CRTC3: variants seen among roughly 807,000 people sequenced by gnomAD.
The protein encoded by CRTC3 is CREB-regulated transcription coactivator 3.
In CRTC3, 26 loss-of-function variants were observed where a neutral mutation model predicts 74.5. That is an observed-to-expected ratio of 0.35 (90% CI 0.26 to 0.48). The LOEUF is 0.48. CRTC3 is among the 20% of genes least tolerant of loss of function. The pLI is 0.99. For synonymous variants in CRTC3, 377 were observed against 325.8 expected (o/e 1.16, Z -1.69); for missense variants, 760 against 787.3 (o/e 0.97, Z 0.41).
chr15:90,604,498 C>A, intron 5 of CRTC3, 51 bp downstream of exon 5: 1 of 1,376,736 alleles, frequency 7.3e-7, no homozygotes, highest in Non-Finnish European at 1.0e-6. Flanking sequence ...ATTTAACTGT[C>A]CTGATATTTT....
At chr15:90,641,303 G>C in intron 14 of CRTC3, 104 bp downstream of exon 14, 1 of 812,584 alleles carries the variant, frequency 1.2e-6, no homozygotes, top group Non-Finnish European at 2.0e-6. Flanking sequence ...AAAGCAAAAA[G>C]TTAACGTTCC....
chr15:90,612,296 T>C (rs1278872107), intron 6 of CRTC3, among the ~76,000 whole-genome samples: 1 of 151,862 alleles, frequency 6.6e-6, no homozygotes, highest in African/African-American at 2.4e-5. Context: ...GGGGATCCCA[T>C]GAGATCACCT....
chr15:90,641,841 T>A lies in CRTC3; in HGVS notation c.1652-91T>A, dbSNP rs541251928. On this transcript the variant is annotated intron_variant, in intron 14 of 14. Transcript: ENST00000268184. The stretch of plus-strand genomic sequence containing the variant: ...GGTCAGGATGTGTGGGATAGCAGTT[T>A]AGGGGACTGTCATCAGCTGGGTTTG... 1.5e-3 allele frequency: 1,547 copies of A among 1,042,716 alleles called. 15 individuals are homozygous for A. Among genetic ancestry groups the A allele is most frequent in the South Asian group, 8.7e-3 (632 of 72,968 alleles). The allele number at this position is 1,042,716 out of a possible 1,614,324, so 64.6% of individuals were successfully genotyped here.
chr15:90,642,504 A>C lies in CRTC3; in HGVS notation c.*364A>C. ...CTCCGTAGCATTGTGTAGTGTGCTC[A>C]GAACCACTGATCTCCGTCCGCACCG... On this transcript the variant is annotated 3_prime_UTR_variant, in exon 15 of 15. Transcript: ENST00000268184. The C allele has an allele frequency of 2.7e-6, 1 of 366,094 alleles. No homozygotes were observed. 22.7% of individuals were successfully genotyped at this position (366,094 alleles called of 1,614,324 possible). A position where few individuals can be genotyped will look rare whatever the true frequency, so the allele number is the denominator to read the frequency against.
At chr15:90,533,418 C>T (rs1372593168) in intron 1 of CRTC3, among the ~76,000 whole-genome samples, 1 of 43,248 alleles carries the variant, frequency 2.3e-5, no homozygotes, top group African/African-American at 8.6e-5. Context: ...GAGACTCCGC[C>T]TAGGAAAAAA....
chr15:90,642,102 C>A lies in CRTC3; in HGVS notation c.1822C>A (p.Pro608Thr). Residue 608 changes from proline (P) to threonine (T), a missense_variant, in exon 15 of 15, where the codon CCC becomes ACC. By Grantham distance (38) the Pro-to-Thr change is conservative (BLOSUM62 -1). Transcript: ENST00000268184. ...LSDSSMGLLD[P>T]SVEETFRADR... ...TGACTCCAGCATGGGCCTGCTGGACCCCTCTGTTGAAGAGACGTTTCGAGC... is the reference window on the plus strand; with the variant it reads ...TGACTCCAGCATGGGCCTGCTGGACACCTCTGTTGAAGAGACGTTTCGAGC... 1 of 1,614,038 alleles carries A rather than the reference C, an allele frequency of 6.2e-7. No homozygotes were observed.
intron 2 of CRTC3, among the ~76,000 whole-genome samples, chr15:90,541,964 T>A (rs943334454): frequency 6.6e-6 from 1 of 151,768 alleles, no homozygotes; most frequent in African/African-American, 2.4e-5. Flanking sequence ...TTTATATTTT[T>A]AGTAGAGATG....
chr15:90,635,370 CGTG>C (rs1398616058), intron 11 of CRTC3, among the ~76,000 whole-genome samples: 1 of 152,080 alleles, frequency 6.6e-6, no homozygotes, highest in Non-Finnish European at 1.5e-5. Context: ...TCTGGCCAGG[CGTG>C]GTGGCTCACA....
At chr15:90,537,099 A>G (rs1034288232) in intron 1 of CRTC3, among the ~76,000 whole-genome samples, 2 of 152,244 alleles carry the variant, frequency 1.3e-5, no homozygotes, top group Admixed American at 6.5e-5. Flanking sequence ...TCACATGTTC[A>G]TCATCTGTAA....
chr15:90,616,310 G>A (rs377515695), intron 7 of CRTC3, among the ~76,000 whole-genome samples: 1 of 152,022 alleles, frequency 6.6e-6, no homozygotes, highest in Admixed American at 6.6e-5. Flanking sequence ...TCCCCTTACC[G>A]TGCTGTCAAA....
intron 2 of CRTC3, among the ~76,000 whole-genome samples, chr15:90,564,094 C>G (rs1193280045): frequency 6.6e-6 from 1 of 152,112 alleles, no homozygotes; most frequent in Non-Finnish European, 1.5e-5. Context: ...ACTGTGGAGG[C>G]CAAGAAGGAT....
chr15:90,539,531 CAGA>C (rs1269531008), intron 1 of CRTC3: 1 of 152,988 alleles, frequency 6.5e-6, no homozygotes, highest in African/African-American at 2.4e-5. Context: ...GGAAATAATT[CAGA>C]AGAACTGTTA....
Position 90,641,354 on chromosome 15 carries a change from C to T in CRTC3, c.1651+155C>T. The T allele has an allele frequency of 6.5e-6, 4 of 616,472 alleles. No homozygotes were observed. The Admixed American group carries it at 7.8e-5, about 12-fold the overall frequency. 38.2% of individuals were successfully genotyped at this position (616,472 alleles called of 1,614,324 possible). A position where few individuals can be genotyped will look rare whatever the true frequency, so the allele number is the denominator to read the frequency against. On this transcript the variant is annotated intron_variant, in intron 14 of 14. Coordinates refer to ENST00000268184, the MANE Select transcript of CRTC3 (RefSeq NM_022769.5). ...TTTTTGAGATGCAGGTGTCCAGCCT[C>T]AGAGACCGTGACACAGGGCGGTGGG... is the stretch of plus-strand genomic sequence containing the variant.
chr15:90,633,357 G>C (rs1180017790), intron 11 of CRTC3, among the ~76,000 whole-genome samples: 2 of 152,116 alleles, frequency 1.3e-5, no homozygotes, highest in Non-Finnish European at 2.9e-5. Context: ...CTGTGACTTT[G>C]TATGACTTAA....
chr15:90,536,679 A>G (rs1966725594), intron 1 of CRTC3, among the ~76,000 whole-genome samples: 1 of 152,210 alleles, frequency 6.6e-6, no homozygotes, highest in East Asian at 1.9e-4. Flanking sequence ...CATTAAAGAA[A>G]ATTCCACTAA....
chr15:90,543,574 G>A (rs904449349), intron 2 of CRTC3, among the ~76,000 whole-genome samples: 1 of 152,160 alleles, frequency 6.6e-6, no homozygotes, highest in African/African-American at 2.4e-5. Context: ...TACAGAGTAA[G>A]AGTGGGCTTG....
chr15:90,532,647 T>G (rs1021070773), intron 1 of CRTC3, among the ~76,000 whole-genome samples: 3 of 152,196 alleles, frequency 2.0e-5, no homozygotes, highest in African/African-American at 7.2e-5. Context: ...ACTTATCCTA[T>G]TCACCTAGTG....
At position 90,540,054 on chromosome 15, in the gene CRTC3, C is replaced by T; in HGVS notation, c.148C>T (p.Leu50Phe). The change falls in exon 2 of 15, where the codon CTT becomes TTT. Residue 50 changes from leucine to phenylalanine, a missense_variant. This residue lies in a region of CRTC3 where 108 missense variants were observed against 152.1 expected (regional missense o/e 0.71). Transcript: ENST00000268184. ...LTLSRVQFQKLQQLRLTQYHG... is the reference protein window; with the variant it reads ...LTLSRVQFQKFQQLRLTQYHG... ...TTGTTTCCAGGTTCAATTTCAGAAG[C>T]TTCAGCAACTGCGCCTTACACAGTA... 1 of 1,613,266 alleles carries T rather than the reference C, an allele frequency of 6.2e-7. No homozygotes were observed. Among genetic ancestry groups the T allele is most frequent in the Non-Finnish European group, 8.5e-7 (1 of 1,179,502 alleles).
chr15:90,612,043 T>C (rs1335802599), intron 6 of CRTC3, among the ~76,000 whole-genome samples: 1 of 119,290 alleles, frequency 8.4e-6, no homozygotes, highest in Non-Finnish European at 1.7e-5. Flanking sequence ...CTCCTCCTCC[T>C]CCTCCTCCTC....
Sources: allele counts gnomAD v4.1 joint callset (sites outside exome capture counted in the v4.1 genomes callset), GRCh38; gene constraint gnomAD v4.1.1; regional missense constraint gnomAD v4.1.1; transcripts MANE v1.5; gene names NCBI Gene and HGNC (gene_info 2026-07-23, HGNC 2026-07-21).